Variants in USP39 observed in about 807,000 individuals in gnomAD.
The protein encoded by USP39 is ubiquitin specific peptidase 39.
A neutral mutation model predicts 66.4 loss-of-function variants in USP39; 38 were observed. The observed-to-expected ratio is 0.57, with a 90% CI of 0.44 to 0.75. The LOEUF is 0.75. Ranked by LOEUF, USP39 falls within the 30% of genes least tolerant of loss-of-function variation. The probability of loss-of-function intolerance (pLI) is 0.00; values close to 1 mark genes in which losing one functional copy is unlikely to be tolerated. For missense variants in USP39, 608 were observed against 714.4 expected (o/e 0.85, Z 1.70); for synonymous variants, 303 against 274.6 (o/e 1.10, Z -1.02).
At chr2:85,625,212 T>C (rs1366592741) in intron 4 of USP39, among the ~76,000 whole-genome samples, 1 of 152,200 alleles carries the variant, frequency 6.6e-6, no homozygotes, top group Admixed American at 6.6e-5. Context: ...CAGGAGGTTC[T>C]ATCTGAGACT....
intron 11 of USP39, 68 bp downstream of exon 11, chr2:85,645,151 G>T (rs1329149453): frequency 5.0e-6 from 8 of 1,603,140 alleles, no homozygotes; most frequent in Non-Finnish European, 6.8e-6. Flanking sequence ...CATCTCAGAG[G>T]GCAGCTCCCT....
At chr2:85,612,189 A>AC (rs905246829), upstream of USP39, 25 of 995,956 alleles carry the variant, frequency 2.5e-5, no homozygotes, top group East Asian at 5.5e-4. Flanking sequence ...CTTGACTTCC[A>AC]CCCCCCGGAC....
intron 6 of USP39, among the ~76,000 whole-genome samples, chr2:85,633,337 G>A (rs1362861148): frequency 1.3e-5 from 2 of 152,080 alleles, no homozygotes; most frequent in Non-Finnish European, 2.9e-5. Flanking sequence ...TGGTCAGGCT[G>A]GTATCGAACT....
chr2:85,621,198 T>C (rs1017033366), intron 2 of USP39: 1 of 234,738 alleles, frequency 4.3e-6, no homozygotes, highest in African/African-American at 2.2e-5. Flanking sequence ...CTTGTAGCTT[T>C]CTCTCTAGAG....
chr2:85,609,877 TACC>T, upstream of USP39, among the ~76,000 whole-genome samples: 1 of 151,928 alleles, frequency 6.6e-6, no homozygotes, highest in Admixed American at 6.5e-5. Flanking sequence ...GATGGGGTTT[TACC>T]ATGTTGGCCA....
intron 6 of USP39, among the ~76,000 whole-genome samples, chr2:85,633,538 G>T (rs1327401118): frequency 1.3e-5 from 2 of 152,150 alleles, no homozygotes; most frequent in Non-Finnish European, 2.9e-5. Context: ...GGGAGATCAA[G>T]GTGGGTGGAT....
chr2:85,648,251 G>A (rs1334640282), intron 12 of USP39, among the ~76,000 whole-genome samples: 5 of 152,166 alleles, frequency 3.3e-5, no homozygotes, highest in African/African-American at 1.2e-4. Context: ...AGCAAAGAAA[G>A]TTGCGATTAT....
At chr2:85,611,359 G>A, upstream of USP39, 1 of 1,445,088 alleles carries the variant, frequency 6.9e-7, no homozygotes, top group Middle Eastern at 2.5e-4. Flanking sequence ...TCATCGCTGT[G>A]CCAGACTTTC....
chr2:85,645,429 G>A (rs962896337), intron 11 of USP39, among the ~76,000 whole-genome samples: 19 of 152,076 alleles, frequency 1.2e-4, no homozygotes, highest in Admixed American at 9.2e-4. Context: ...GATTACAGGC[G>A]CCCATCACCA....
chr2:85,609,052 T>G, upstream of USP39: 2 of 1,614,236 alleles, frequency 1.2e-6, no homozygotes, highest in Non-Finnish European at 1.7e-6. Context: ...TCACTCACCT[T>G]TCCTGGGTCA....
upstream of USP39, chr2:85,609,458 C>T (rs1238441685): frequency 1.9e-6 from 3 of 1,614,102 alleles, no homozygotes; most frequent in South Asian, 1.1e-5. Context: ...ACTGATGTGA[C>T]CTCTCCACTG....
intron 1 of USP39, chr2:85,606,851 G>C (rs575856517): frequency 6.7e-6 from 1 of 148,664 alleles, no homozygotes; most frequent in Admixed American, 6.7e-5. Context: ...GTGTGATCTC[G>C]GCTCACTGCA....
At chr2:85,634,820 C>G (rs966002321) in intron 6 of USP39, among the ~76,000 whole-genome samples, 1 of 152,208 alleles carries the variant, frequency 6.6e-6, no homozygotes, top group Non-Finnish European at 1.5e-5. Context: ...TCAGCATTCA[C>G]TGTGTTCCAC....
chr2:85,606,294 C>CA (rs1395929718), intron 1 of USP39, among the ~76,000 whole-genome samples: 12 of 152,252 alleles, frequency 7.9e-5, no homozygotes, highest in Admixed American at 3.9e-4. Flanking sequence ...CAGCACCGGA[C>CA]AGTGTTCTTT....
At chr2:85,617,738 C>T (rs1674106083) in intron 1 of USP39, among the ~76,000 whole-genome samples, 1 of 152,182 alleles carries the variant, frequency 6.6e-6, no homozygotes, top group African/African-American at 2.4e-5. Flanking sequence ...CCTCACTTTG[C>T]CTTGTGGGAA....
In USP39 at chr2:85,648,879, C is replaced by A. The variant is rs1241322956; in HGVS notation, c.*71C>A. On this transcript the variant is annotated 3_prime_UTR_variant, in exon 13 of 13. Transcript: ENST00000323701. ...GTAAATAAGAACACAGAAGCTGTAG[C>A]TGAACACAGGCTGGCTGGTGGGCTT... 6.9e-6 allele frequency: 11 copies of A among 1,588,012 alleles called. No homozygotes were observed. The highest frequency in any genetic ancestry group is 1.7e-5 in the Admixed American group (1 of 58,632).
At chr2:85,616,800 C>T (rs909434242) in intron 1 of USP39, among the ~76,000 whole-genome samples, 1 of 151,874 alleles carries the variant, frequency 6.6e-6, no homozygotes, top group Non-Finnish European at 1.5e-5. Flanking sequence ...ACCTCCGCCT[C>T]CCAGGTAGCT....
At chr2:85,611,783 G>A, upstream of USP39, 1 of 1,611,722 alleles carries the variant, frequency 6.2e-7, no homozygotes, top group Non-Finnish European at 8.5e-7. Context: ...TGTCATAGTC[G>A]TCCCTGCGGG....
chr2:85,604,046 C>T (rs774766242), intron 1 of USP39, among the ~76,000 whole-genome samples: 2 of 152,228 alleles, frequency 1.3e-5, no homozygotes, highest in South Asian at 2.1e-4. Context: ...GGTTGCCCAG[C>T]GTGGGGAGCT....
Sources: allele counts gnomAD v4.1 joint callset (sites outside exome capture counted in the v4.1 genomes callset), GRCh38; gene constraint gnomAD v4.1.1; transcripts MANE v1.5; gene names NCBI Gene and HGNC (gene_info 2026-07-23, HGNC 2026-07-21).